CPAMD8: variants seen among roughly 807,000 people sequenced by gnomAD.
CPAMD8 encodes C3 and PZP-like alpha-2-macroglobulin domain-containing protein 8.
Under a neutral mutation model 224.7 loss-of-function variants are expected in CPAMD8, and 146 were observed. The ratio of observed to expected loss-of-function variants is 0.65; its 90% CI spans 0.57 to 0.75. CPAMD8 has a LOEUF of 0.75. Among genes scored for constraint, CPAMD8 ranks in the 30% least tolerant of loss-of-function variants. The pLI is 0.00. For missense variants in CPAMD8, 2,301 were observed against 2,537.5 expected (o/e 0.91, Z 2.00); for synonymous variants, 966 against 1,044.6 (o/e 0.92, Z 1.45).
At chr19:17,012,874 T>C (rs4321306) in intron 3 of CPAMD8, among the ~76,000 whole-genome samples, 17,291 of 152,226 alleles carry the variant, frequency 0.11, 1,165 homozygotes, top group Non-Finnish European at 0.16. Context: ...GTGTCTGTGT[T>C]TGCCTCACTC....
chr19:16,894,375 T>G (rs1274180066), intron 41 of CPAMD8: 1 of 456,582 alleles, frequency 2.2e-6, no homozygotes, highest in Non-Finnish European at 4.4e-6. Context: ...AGGGACAGGA[T>G]GCAGCCAGAT....
At chr19:16,900,320 C>T (rs7254010) in intron 36 of CPAMD8, among the ~76,000 whole-genome samples, 12 of 151,856 alleles carry the variant, frequency 7.9e-5, no homozygotes, top group African/African-American at 2.9e-4. Context: ...ACAGTGGGCC[C>T]GGTGCTGTGG....
At position 17,011,666 on chromosome 19, in the gene CPAMD8, G is replaced by A. The variant is rs367922959; in HGVS notation, c.359C>T (p.Ser120Leu). The stretch of plus-strand genomic sequence containing the variant: ...AGCGCCCCGGCCGTCCACGGTCACC[G>A]AGGTCTGGTTGTGAAAGAGGGGCCC... ...EEGPLFHNQT[S>L]VTVDGRGASV... Residue 120 changes from serine (S) to leucine (L), a missense_variant, in exon 4 of 42, where the codon TCG (serine) becomes TTG (leucine). Physicochemically the swap from Ser to Leu is moderately radical, Grantham distance 145 (BLOSUM62 -2). Around this residue, in one of 4 missense-constraint regions of CPAMD8, gnomAD observed 283 missense variants for 340.6 expected, o/e 0.83. Coordinates refer to ENST00000443236, the MANE Select transcript of CPAMD8 (RefSeq NM_015692.5). 2.1e-5 allele frequency: 34 copies of A among 1,613,922 alleles called. No individual in the cohort carries two copies. The Middle Eastern group carries it at 6.6e-4, about 32-fold the overall frequency.
At chr19:16,941,803 C>T (rs1435750568) in intron 22 of CPAMD8, among the ~76,000 whole-genome samples, 1 of 151,832 alleles carries the variant, frequency 6.6e-6, no homozygotes, top group Non-Finnish European at 1.5e-5. Context: ...TGAAACCCTG[C>T]CTCTACTAAA....
chr19:17,023,027 A>G (rs1466816640), intron 1 of CPAMD8, among the ~76,000 whole-genome samples: 3 of 152,048 alleles, frequency 2.0e-5, no homozygotes, highest in African/African-American at 4.8e-5. Flanking sequence ...AGGCGGTCAG[A>G]CTCCAAAACC....
intron 22 of CPAMD8, among the ~76,000 whole-genome samples, chr19:16,945,044 G>A (rs1302461293): frequency 2.0e-5 from 3 of 152,254 alleles, no homozygotes; most frequent in South Asian, 4.1e-4. Context: ...TGAGCCCCTC[G>A]TCTTACAGAG....
intron 26 of CPAMD8, among the ~76,000 whole-genome samples, chr19:16,923,787 A>G (rs1219514283): frequency 1.3e-5 from 2 of 151,990 alleles, no homozygotes; most frequent in Non-Finnish European, 2.9e-5. Context: ...AACATAGCGG[A>G]ACCCCATCTT....
At position 16,893,078 on chromosome 19, in the gene CPAMD8, G is replaced by A. The variant is rs369400847; in HGVS notation, c.*30C>T. 3.8e-4 allele frequency: 377 copies of A among 995,110 alleles called. 4 individuals carry two copies. Among genetic ancestry groups the A allele is most frequent in the Middle Eastern group, 8.2e-4 (4 of 4,902 alleles). 61.6% of individuals were successfully genotyped at this position (995,110 alleles called of 1,614,324 possible). A position where few individuals can be genotyped will look rare whatever the true frequency, so the allele number is the denominator to read the frequency against. ...TATGAATGGTCCCCAGGACCAAACTGCGGTCCCACAACTGCATGTGGTTGT... is the reference window on the plus strand; with the variant it reads ...TATGAATGGTCCCCAGGACCAAACTACGGTCCCACAACTGCATGTGGTTGT... On this transcript the variant is annotated 3_prime_UTR_variant, in exon 42 of 42. Coordinates refer to ENST00000443236, the MANE Select transcript of CPAMD8 (RefSeq NM_015692.5).
chr19:16,975,879 G>A, intron 16 of CPAMD8, 123 bp downstream of exon 16: 1 of 1,074,636 alleles, frequency 9.3e-7, no homozygotes, highest in Non-Finnish European at 1.3e-6. Flanking sequence ...GAACCCGACG[G>A]AGAAAGCGAA....
chr19:17,000,586 A>G, intron 9 of CPAMD8, 64 bp from the exon 10 acceptor site: 1 of 766,984 alleles, frequency 1.3e-6, no homozygotes. Context: ...GCCCAGCCTC[A>G]GGAAGGCCAG....
intron 26 of CPAMD8, among the ~76,000 whole-genome samples, chr19:16,923,451 C>T (rs2144914312): frequency 6.6e-6 from 1 of 152,300 alleles, no homozygotes; most frequent in East Asian, 1.9e-4. Flanking sequence ...GTCTGAGCCT[C>T]AGGAAGGACA....
intron 22 of CPAMD8, among the ~76,000 whole-genome samples, chr19:16,945,158 G>A (rs1357439825): frequency 6.6e-5 from 10 of 152,162 alleles, no homozygotes; most frequent in Non-Finnish European, 1.5e-5. Context: ...TCTGCCCCCT[G>A]CAGCTCTGTG....
chr19:17,021,589 G>C (rs114935419), intron 2 of CPAMD8, among the ~76,000 whole-genome samples: 1 of 152,358 alleles, frequency 6.6e-6, no homozygotes, highest in African/African-American at 2.4e-5. Context: ...TGACCAAGGA[G>C]TGAAGGGGAG....
chr19:16,975,279 A>T (rs1295482386), intron 16 of CPAMD8, 21 bp from the exon 17 acceptor site: 2 of 1,586,518 alleles, frequency 1.3e-6, no homozygotes, highest in Non-Finnish European at 1.7e-6. Flanking sequence ...AGGGGGACAG[A>T]GACTTGTCAG....
chr19:16,977,338 G>A (rs1157154225), intron 15 of CPAMD8, 30 bp downstream of exon 15: 3 of 1,543,834 alleles, frequency 1.9e-6, no homozygotes, highest in Non-Finnish European at 2.7e-6. Flanking sequence ...GCCCCTGGCT[G>A]TGTCCCAGGT....
Position 16,933,486 on chromosome 19 carries a change from T to TA in CPAMD8, c.2846-4247dup, listed in dbSNP as rs918260156. Among the ~76,000 whole-genome samples the TA allele has an allele frequency of 1.2e-4, 18 of 151,740 alleles. 1 individual carries two copies. The South Asian group carries it at 1.9e-3, about 16-fold the overall frequency. On this transcript the variant is annotated intron_variant, in intron 23 of 41. Transcript: ENST00000443236. ...TATATTTTCAAATCTCAAAATGCAATAAAAAAAGTACAACTCAATTTTGAA... is the reference window on the plus strand; with the variant it reads ...TATATTTTCAAATCTCAAAATGCAATAAAAAAAAGTACAACTCAATTTTGAA...
chr19:16,893,426 C>T (rs2144658180), intron 41 of CPAMD8, 87 bp from the exon 42 acceptor site: 1 of 937,640 alleles, frequency 1.1e-6, no homozygotes. Context: ...GGGCCTGTCG[C>T]TTGTAGGGTG....
At chr19:16,906,153 G>A (rs2052468596) in intron 30 of CPAMD8, among the ~76,000 whole-genome samples, 2 of 152,086 alleles carry the variant, frequency 1.3e-5, no homozygotes, top group African/African-American at 4.8e-5. Flanking sequence ...GGTGTGACTT[G>A]GACAAGCCAC....
At chr19:16,972,839 A>G (rs2055112180) in intron 17 of CPAMD8, among the ~76,000 whole-genome samples, 1 of 152,154 alleles carries the variant, frequency 6.6e-6, no homozygotes, top group African/African-American at 2.4e-5. Flanking sequence ...ATACTCATAA[A>G]TGAAATGTTA....
Sources: gnomAD v4.1 joint callset for allele counts (sites outside exome capture counted in the v4.1 genomes callset) on GRCh38, gnomAD v4.1.1 for gene constraint, gnomAD v4.1.1 regional missense constraint, MANE v1.5 for transcripts, NCBI Gene and HGNC (gene_info 2026-07-23, HGNC 2026-07-21) for gene names.